UBR3: variants seen among roughly 807,000 people sequenced by gnomAD.
UBR3 encodes ubiquitin protein ligase E3 component n-recognin 3, also known as E3 ubiquitin-protein ligase UBR3.
UBR3 carries 85 observed loss-of-function variants against 243.2 expected under a neutral mutation model. The ratio of observed to expected loss-of-function variants is 0.35; its 90% confidence interval spans 0.29 to 0.42. UBR3 has a LOEUF of 0.42. Among genes scored for constraint, UBR3 ranks in the 10% least tolerant of loss-of-function variants. The pLI, the probability that UBR3 is intolerant of heterozygous loss-of-function variation, is 1.00. For synonymous variants in UBR3, 748 were observed against 799.8 expected (o/e 0.94, Z 1.09); for missense variants, 1,686 against 2,300.8 (o/e 0.73, Z 5.47).
chr2:169,838,408 T>A (rs2082183032), intron 1 of UBR3, among the ~76,000 whole-genome samples: 1 of 106,400 alleles, frequency 9.4e-6, no homozygotes, highest in Non-Finnish European at 2.3e-5. Flanking sequence ...TGTGTGTGTG[T>A]GTGTGTGTGT....
At chr2:169,903,307 A>T (rs927037459) in intron 8 of UBR3, among the ~76,000 whole-genome samples, 8 of 152,172 alleles carry the variant, frequency 5.3e-5, no homozygotes, top group African/African-American at 1.7e-4. Flanking sequence ...CTGCTTATTC[A>T]TCCTCTGGTT....
At chr2:169,833,560 A>G (rs915781258) in intron 1 of UBR3, among the ~76,000 whole-genome samples, 9 of 152,310 alleles carry the variant, frequency 5.9e-5, no homozygotes, top group African/African-American at 2.2e-4. Context: ...GTTACTCATG[A>G]GGTGGCATTG....
At chr2:169,857,632 G>A (rs10193608) in intron 1 of UBR3, among the ~76,000 whole-genome samples, 26,252 of 151,174 alleles carry the variant, frequency 0.17, 2,528 homozygotes, top group South Asian at 0.35. Flanking sequence ...TCACCATGTT[G>A]GCTAGGCTGA....
intron 7 of UBR3, 121 bp from the exon 8 acceptor site, chr2:169,896,386 T>C: frequency 1.7e-6 from 1 of 587,932 alleles, no homozygotes; most frequent in East Asian, 3.3e-5. Context: ...TTTTTTAAGT[T>C]ATCTTGGGCA....
In UBR3 at chr2:169,917,847, C is replaced by T. The variant is rs555707807; in HGVS notation, c.1866+3701C>T. ...TCTCCTGAGTAACTGGGACTACAGG[C>T]GTGTGCCACCACACCCAGCTAATTT... On this transcript the variant is annotated intron_variant, in intron 11 of 38. Transcript: ENST00000272793. Among the ~76,000 whole-genome samples the T allele has an allele frequency of 1.5e-3, 223 of 152,192 alleles. 1 individual carries two copies. Among genetic ancestry groups the T allele is most frequent in the African/African-American group, 5.1e-3 (212 of 41,516 alleles).
chr2:170,066,216 A>G (rs2091564428), intron 35 of UBR3, among the ~76,000 whole-genome samples: 1 of 152,212 alleles, frequency 6.6e-6, no homozygotes, highest in Admixed American at 6.5e-5. Flanking sequence ...GTTCTAACAC[A>G]GCAAGCTTGT....
chr2:169,832,411 G>A (rs535191612), intron 1 of UBR3, among the ~76,000 whole-genome samples: 3 of 151,926 alleles, frequency 2.0e-5, no homozygotes, highest in African/African-American at 4.8e-5. Flanking sequence ...TTAGTCAGGC[G>A]TGGTGGTGGG....
chr2:169,934,780 T>G (rs1469421734), intron 19 of UBR3, among the ~76,000 whole-genome samples: 1 of 152,260 alleles, frequency 6.6e-6, no homozygotes, highest in African/African-American at 2.4e-5. Context: ...AGTAGATTTC[T>G]TTCAGTTTTT....
chr2:169,996,632 A>G (rs186219232), intron 26 of UBR3, among the ~76,000 whole-genome samples: 1 of 151,152 alleles, frequency 6.6e-6, no homozygotes, highest in Admixed American at 6.6e-5. Flanking sequence ...GTATAAATAC[A>G]CGTATGTGTG....
intron 1 of UBR3, among the ~76,000 whole-genome samples, chr2:169,862,910 T>C (rs1032081783): frequency 1.3e-5 from 2 of 152,210 alleles, no homozygotes; most frequent in African/African-American, 4.8e-5. Context: ...GGAATCTCCA[T>C]GAATTATCCA....
chr2:169,919,054 A>G (rs2085581187), intron 11 of UBR3, among the ~76,000 whole-genome samples: 3 of 152,222 alleles, frequency 2.0e-5, no homozygotes, highest in African/African-American at 7.2e-5. Context: ...TTAAAGATAC[A>G]GTAATCCAGT....
chr2:169,896,332 G>T (rs1330208728), intron 7 of UBR3, among the ~76,000 whole-genome samples, 175 bp from the exon 8 acceptor site: 1 of 151,324 alleles, frequency 6.6e-6, no homozygotes, highest in East Asian at 1.9e-4. Flanking sequence ...AAAATATTTT[G>T]CAAATGTTCC....
At chr2:169,931,078 G>A (rs1254504295) in intron 18 of UBR3, among the ~76,000 whole-genome samples, 3 of 152,114 alleles carry the variant, frequency 2.0e-5, no homozygotes, top group Non-Finnish European at 2.9e-5. Context: ...AAGGCCGGGC[G>A]CAGTGGCTCA....
chr2:170,032,537 C>G (rs1465319518), intron 31 of UBR3, among the ~76,000 whole-genome samples: 1 of 135,046 alleles, frequency 7.4e-6, no homozygotes, highest in African/African-American at 2.8e-5. Flanking sequence ...TTCCTTTAAT[C>G]TGAAATTAAG....
chr2:170,061,703 G>A (rs1045106638), intron 35 of UBR3, among the ~76,000 whole-genome samples: 1 of 152,084 alleles, frequency 6.6e-6, no homozygotes, highest in African/African-American at 2.4e-5. Flanking sequence ...CCTGACCTCA[G>A]GTGATCTACC....
At chr2:169,859,446 C>T (rs1263181794) in intron 1 of UBR3, among the ~76,000 whole-genome samples, 4 of 151,994 alleles carry the variant, frequency 2.6e-5, no homozygotes, top group African/African-American at 4.8e-5. Flanking sequence ...TAGTTTTTAA[C>T]GAATTTGGAA....
intron 9 of UBR3, 22 bp downstream of exon 9, chr2:169,905,315 T>G: frequency 6.9e-7 from 1 of 1,444,550 alleles, no homozygotes; most frequent in Non-Finnish European, 9.1e-7. Context: ...ATCCCTTTGT[T>G]AATTTTTTGG....
At chr2:169,881,919 A>G (rs1267261198) in intron 5 of UBR3, among the ~76,000 whole-genome samples, 7 of 93,242 alleles carry the variant, frequency 7.5e-5, no homozygotes, top group Admixed American at 1.3e-4. Flanking sequence ...ATGTATATGT[A>G]TACATGTATA....
chr2:170,077,248 A>G (rs1225222263), intron 36 of UBR3: 27 of 734,128 alleles, frequency 3.7e-5, no homozygotes, highest in Admixed American at 3.0e-4. Context: ...CTGCATTTAT[A>G]CATCCATCAT....
Sources: gnomAD v4.1 joint callset for allele counts (sites outside exome capture counted in the v4.1 genomes callset) on GRCh38, gnomAD v4.1.1 for gene constraint, MANE v1.5 for transcripts, NCBI Gene and HGNC (gene_info 2026-07-23, HGNC 2026-07-21) for gene names.